The following RABGAP1L variants were observed in gnomAD, a reference collection of about 807,000 sequenced individuals.
RABGAP1L encodes RAB GTPase activating protein 1 like, also known as rab GTPase-activating protein 1-like.
RABGAP1L carries 63 observed loss-of-function variants against 137.7 expected under a neutral mutation model. That is an observed-to-expected ratio of 0.46 (90% CI 0.37 to 0.56). RABGAP1L has a LOEUF of 0.56. Among genes scored for constraint, RABGAP1L ranks in the 20% least tolerant of loss-of-function variants. The probability of loss-of-function intolerance (pLI) is 0.00; values close to 1 mark genes in which losing one functional copy is unlikely to be tolerated. For synonymous variants in RABGAP1L, 431 were observed against 433.7 expected, an observed-to-expected ratio of 0.99 and a Z score of 0.08; for missense variants, 1,095 against 1,244.0, an observed-to-expected ratio of 0.88 and a Z score of 1.80.
intron 1 of RABGAP1L, among the ~76,000 whole-genome samples, chr1:174,160,895 C>T (rs1664383246): frequency 1.3e-5 from 2 of 152,112 alleles, no homozygotes; most frequent in Non-Finnish European, 2.9e-5. Context: ...GGATTTTGTT[C>T]ATGGAAAATA....
At chr1:174,572,627 C>G (rs1177237432) in intron 13 of RABGAP1L, among the ~76,000 whole-genome samples, 2 of 152,178 alleles carry the variant, frequency 1.3e-5, no homozygotes, top group East Asian at 3.9e-4. Flanking sequence ...GTGATCTGCC[C>G]TCCTCTGCCT....
chr1:174,734,285 G>A (rs2148630667), intron 17 of RABGAP1L, among the ~76,000 whole-genome samples: 1 of 152,132 alleles, frequency 6.6e-6, no homozygotes, highest in South Asian at 2.1e-4. Flanking sequence ...AGACTTGATG[G>A]GGTCACCTAG....
At chr1:174,423,259 G>T (rs1441975412) in intron 13 of RABGAP1L, among the ~76,000 whole-genome samples, 1 of 152,052 alleles carries the variant, frequency 6.6e-6, no homozygotes, top group East Asian at 1.9e-4. Context: ...GTTGTTTAGA[G>T]ATGAATTCAA....
At chr1:174,183,533 C>T (rs1445743012) in intron 1 of RABGAP1L, among the ~76,000 whole-genome samples, 2 of 152,206 alleles carry the variant, frequency 1.3e-5, no homozygotes, top group East Asian at 1.9e-4. Flanking sequence ...CCTTACACAA[C>T]GTGCACAGCC....
intron 13 of RABGAP1L, among the ~76,000 whole-genome samples, chr1:174,424,325 C>T (rs1184040501): frequency 6.6e-6 from 1 of 152,026 alleles, no homozygotes; most frequent in Non-Finnish European, 1.5e-5. Context: ...TGGCTAATAG[C>T]TGTAAGTCTT....
chr1:174,230,838 GT>G (rs987871061), intron 3 of RABGAP1L, among the ~76,000 whole-genome samples: 2 of 151,784 alleles, frequency 1.3e-5, no homozygotes, highest in Non-Finnish European at 2.9e-5. Context: ...ATCTTTTTGA[GT>G]TTTTTTTAAT....
At chr1:174,971,705 G>A (rs913619309) in intron 21 of RABGAP1L, among the ~76,000 whole-genome samples, 1 of 152,228 alleles carries the variant, frequency 6.6e-6, no homozygotes, top group Non-Finnish European at 1.5e-5. Flanking sequence ...CAGTTGAAGT[G>A]ACCTGCCCCA....
At chr1:174,169,613 T>C (rs1571345514) in intron 1 of RABGAP1L, among the ~76,000 whole-genome samples, 1 of 152,344 alleles carries the variant, frequency 6.6e-6, no homozygotes, top group South Asian at 2.1e-4. Flanking sequence ...GAATATAAAT[T>C]TCATTGTGTT....
At chr1:174,337,733 G>A (rs911775913) in intron 11 of RABGAP1L, among the ~76,000 whole-genome samples, 1 of 152,132 alleles carries the variant, frequency 6.6e-6, no homozygotes, top group Non-Finnish European at 1.5e-5. Flanking sequence ...AGGTGTCTGA[G>A]TCAGACCTCT....
At chr1:174,893,674 C>G (rs551666880) in intron 19 of RABGAP1L, among the ~76,000 whole-genome samples, 13 of 152,288 alleles carry the variant, frequency 8.5e-5, no homozygotes, top group Non-Finnish European at 1.8e-4. Flanking sequence ...TCTACTTTCC[C>G]TCTTTGCAAC....
chr1:174,854,884 C>T (rs551629450), intron 19 of RABGAP1L, among the ~76,000 whole-genome samples: 11 of 151,460 alleles, frequency 7.3e-5, no homozygotes, highest in African/African-American at 2.4e-4. Context: ...ATTACAGGCA[C>T]GTACCACCGC....
At chr1:174,925,667 T>G (rs1454468421) in intron 19 of RABGAP1L, among the ~76,000 whole-genome samples, 1 of 152,094 alleles carries the variant, frequency 6.6e-6, no homozygotes, top group African/African-American at 2.4e-5. Context: ...GAAGAATTGT[T>G]AATTATCCTC....
At chr1:174,474,386 T>C (rs1035546629) in intron 13 of RABGAP1L, among the ~76,000 whole-genome samples, 31 of 152,162 alleles carry the variant, frequency 2.0e-4, no homozygotes, top group Non-Finnish European at 4.3e-4. Flanking sequence ...CCATAGAAAA[T>C]GTCATGATAA....
At chr1:174,274,264 T>C (rs1422139056) in intron 8 of RABGAP1L, among the ~76,000 whole-genome samples, 1 of 152,104 alleles carries the variant, frequency 6.6e-6, no homozygotes, top group Non-Finnish European at 1.5e-5. Flanking sequence ...GAAGATATAT[T>C]TTTCAGTGAA....
intron 18 of RABGAP1L, among the ~76,000 whole-genome samples, chr1:174,790,022 A>G (rs1027866112): frequency 5.9e-5 from 9 of 152,228 alleles, no homozygotes; most frequent in African/African-American, 2.2e-4. Flanking sequence ...AGCCTGGCCA[A>G]CATAGTGAAA....
intron 18 of RABGAP1L, among the ~76,000 whole-genome samples, chr1:174,758,460 C>G (rs1342307738): frequency 6.6e-6 from 1 of 151,988 alleles, no homozygotes; most frequent in Non-Finnish European, 1.5e-5. Flanking sequence ...ACCCTTTCCC[C>G]TTCTGAGTCT....
At chr1:174,635,921 A>G (rs1431366346) in intron 13 of RABGAP1L, among the ~76,000 whole-genome samples, 1 of 152,222 alleles carries the variant, frequency 6.6e-6, no homozygotes, top group African/African-American at 2.4e-5. Context: ...CATTAAAATA[A>G]CATATATTAA....
intron 11 of RABGAP1L, among the ~76,000 whole-genome samples, chr1:174,325,261 C>T (rs1479971250): frequency 6.6e-6 from 1 of 152,146 alleles, no homozygotes; most frequent in Non-Finnish European, 1.5e-5. Context: ...ATTTTAGCAT[C>T]GTGGCAGTTT....
chr1:174,219,789 T>A (rs1415444794), intron 2 of RABGAP1L, among the ~76,000 whole-genome samples: 1 of 152,126 alleles, frequency 6.6e-6, no homozygotes, highest in African/African-American at 2.4e-5. Context: ...TATGGTCCCT[T>A]TTTCACTTCT....
Sources: allele counts gnomAD v4.1 joint callset (sites outside exome capture counted in the v4.1 genomes callset), GRCh38; gene constraint gnomAD v4.1.1; transcripts MANE v1.5; gene names NCBI Gene and HGNC (gene_info 2026-07-23, HGNC 2026-07-21).